ADHFE1: variants seen among roughly 807,000 people sequenced by gnomAD.
ADHFE1 encodes the protein alcohol dehydrogenase iron containing 1.
A neutral mutation model predicts 54.8 loss-of-function variants in ADHFE1; 37 were observed. The observed-to-expected ratio is 0.68, with a 90% CI of 0.52 to 0.89. ADHFE1 has a LOEUF of 0.89. ADHFE1 is among the 40% of genes least tolerant of loss of function. ADHFE1 has a pLI of 0.00. For missense variants in ADHFE1, 601 were observed against 591.2 expected (o/e 1.02, Z -0.17); for synonymous variants, 203 against 229.3 (o/e 0.89, Z 1.04).
chr8:66,468,366 T>C lies in ADHFE1; in HGVS notation c.*14T>C, dbSNP rs1473014834. The C allele has an allele frequency of 1.2e-6, 2 of 1,606,164 alleles. No individual in the cohort carries two copies. Among genetic ancestry groups the C allele is most frequent in the Non-Finnish European group, 1.7e-6 (2 of 1,174,960 alleles). On this transcript the variant is annotated 3_prime_UTR_variant, in exon 14 of 14. Coordinates refer to ENST00000396623, the MANE Select transcript of ADHFE1 (RefSeq NM_144650.3). ...AAACTGTATTAATTGTCATTTTAAC[T>C]GAAAGAATTACCGCTGGCCATTGTA...
chr8:66,446,607 A>G (rs1806039327), intron 6 of ADHFE1, among the ~76,000 whole-genome samples: 1 of 152,334 alleles, frequency 6.6e-6, no homozygotes, highest in Non-Finnish European at 1.5e-5. Flanking sequence ...CATTAAACAC[A>G]CATGTATGTT....
At chr8:66,443,151 A>C (rs1438590893) in intron 3 of ADHFE1, among the ~76,000 whole-genome samples, 1 of 152,202 alleles carries the variant, frequency 6.6e-6, no homozygotes, top group Non-Finnish European at 1.5e-5. Context: ...TAATTATAAC[A>C]ATCCCAAAAG....
At position 66,439,911 on chromosome 8, in the gene ADHFE1, T is replaced by C. The variant is rs1169680668; in HGVS notation, c.60-251T>C. 6.6e-6 allele frequency among the ~76,000 whole-genome samples: 1 copy of C among 152,182 alleles called. No individual in the cohort carries two copies. The highest frequency in any genetic ancestry group is 1.9e-4 in the East Asian group (1 of 5,188). On this transcript the variant is annotated intron_variant, in intron 1 of 13. Coordinates refer to ENST00000396623, the MANE Select transcript of ADHFE1 (RefSeq NM_144650.3). The surrounding 1 kb of genome is among the most constrained non-coding windows in gnomAD (Gnocchi z 4.4). Reference sequence around the variant, plus strand: ...ATCTCAGCTGCCCGCAGGCATTTGATAGGAATTGCTAGAGTAAATGAATTC... The same window carrying C: ...ATCTCAGCTGCCCGCAGGCATTTGACAGGAATTGCTAGAGTAAATGAATTC...
At position 66,460,880 on chromosome 8, in the gene ADHFE1, C is replaced by A. The variant is rs540070094; in HGVS notation, c.1320+415C>A. ...ATTGTAAAAGAGTTCCAGGTCTCTA[C>A]TATTTTGTGAAGAATAGGCATAGCC... On this transcript the variant is annotated intron_variant, in intron 13 of 13. Transcript: ENST00000396623. 2.0e-5 allele frequency among the ~76,000 whole-genome samples: 3 copies of A among 152,232 alleles called. No individual in the cohort carries two copies. The South Asian group carries it at 6.2e-4, about 32-fold the overall frequency.
chr8:66,448,661 A>G (rs1015715954), intron 7 of ADHFE1, among the ~76,000 whole-genome samples: 15 of 152,236 alleles, frequency 9.9e-5, no homozygotes, highest in Admixed American at 3.3e-4. Flanking sequence ...CTTGGAAACC[A>G]GTAGGAGCCA....
rs1030567732 is a variant in ADHFE1, at chr8:66,444,540, A to G, written c.199-54A>G. Reference sequence around the variant, plus strand: ...AAATGTACAACGTGAGTTTGCCAGAAGAGTCTATTGCAGTTCTAGTGGAGT... The same window carrying G: ...AAATGTACAACGTGAGTTTGCCAGAGGAGTCTATTGCAGTTCTAGTGGAGT... On this transcript the variant is annotated intron_variant, in intron 4 of 13. Coordinates refer to ENST00000396623, the MANE Select transcript of ADHFE1 (RefSeq NM_144650.3). The G allele has an allele frequency of 1.3e-5, 21 of 1,609,120 alleles. No homozygotes were observed. The African/African-American group carries it at 2.4e-4, about 18-fold the overall frequency.
At chr8:66,442,869 C>A (rs769551436) in intron 3 of ADHFE1, 25 bp downstream of exon 3, 5 of 1,525,148 alleles carry the variant, frequency 3.3e-6, no homozygotes, top group Non-Finnish European at 3.5e-6. Flanking sequence ...TCCATTATTT[C>A]TTTTATGAAT....
At chr8:66,440,687 C>A (rs1805702600) in intron 2 of ADHFE1, among the ~76,000 whole-genome samples, 1 of 152,108 alleles carries the variant, frequency 6.6e-6, no homozygotes, top group African/African-American at 2.4e-5. Context: ...TAATAACAAA[C>A]CTTCAGTTAC....
At chr8:66,457,001 T>C in intron 11 of ADHFE1, 69 bp from the exon 12 acceptor site, 4 of 1,543,170 alleles carry the variant, frequency 2.6e-6, no homozygotes, top group Non-Finnish European at 3.5e-6. Flanking sequence ...TAAAGTAACT[T>C]AACATCTAGA....
rs141345263 is a variant in ADHFE1, at chr8:66,433,437, A to C, written c.59+862A>C. On this transcript the variant is annotated intron_variant, in intron 1 of 13. Transcript: ENST00000396623. ...ATATAGCTAATACGATGAGCCCGGC[A>C]GTGTCTTACACACTTTGAATGGACT... Among the ~76,000 whole-genome samples, 56 of 152,356 alleles carry C rather than the reference A, an allele frequency of 3.7e-4. No homozygotes were observed. In the East Asian group the frequency reaches 8.9e-3, roughly 24 times the overall value.
intron 2 of ADHFE1, 120 bp downstream of exon 2, chr8:66,440,319 A>C: frequency 1.1e-6 from 1 of 896,924 alleles, no homozygotes; most frequent in East Asian, 2.4e-5. Flanking sequence ...CCATGAAAAC[A>C]GTTACCATTT....
intron 13 of ADHFE1, among the ~76,000 whole-genome samples, chr8:66,461,336 G>T (rs1806887859): frequency 6.6e-6 from 1 of 152,116 alleles, no homozygotes; most frequent in African/African-American, 2.4e-5. Flanking sequence ...ACAGGCTAAG[G>T]CATTCCCTGA....
intron 13 of ADHFE1, among the ~76,000 whole-genome samples, chr8:66,467,369 T>C (rs1238623398): frequency 6.6e-6 from 1 of 152,130 alleles, no homozygotes; most frequent in African/African-American, 2.4e-5. Context: ...ATCTTGTATA[T>C]GTGAACTTTG....
intron 12 of ADHFE1, chr8:66,459,430 A>ATATATATATATATTTT (rs1191407388): frequency 7.9e-6 from 1 of 126,808 alleles, no homozygotes; most frequent in African/African-American, 3.0e-5. Context: ...ATATATATAT[A>ATATATATATATATTTT]TTTTTTTTTT....
chr8:66,466,329 G>A (rs2357893), intron 13 of ADHFE1, among the ~76,000 whole-genome samples: 84,620 of 149,358 alleles, frequency 0.57, 24,838 homozygotes, highest in African/African-American at 0.72. Flanking sequence ...CAAGTGATCC[G>A]CCTGCCTCAG....
At chr8:66,449,433 C>A (rs1806190553) in intron 8 of ADHFE1, among the ~76,000 whole-genome samples, 1 of 152,236 alleles carries the variant, frequency 6.6e-6, no homozygotes. Context: ...CTAACACCTC[C>A]AGAGCACCCC....
chr8:66,440,238 T>C (rs1374281958), intron 2 of ADHFE1, 39 bp downstream of exon 2: 15 of 1,594,144 alleles, frequency 9.4e-6, no homozygotes, highest in African/African-American at 8.1e-5. Context: ...ACAATTTTGG[T>C]TTCTGCATTT....
At chr8:66,457,217 A>C (rs1586477734) in intron 12 of ADHFE1, 51 bp downstream of exon 12, 1 of 1,552,680 alleles carries the variant, frequency 6.4e-7, no homozygotes, top group Non-Finnish European at 8.8e-7. Flanking sequence ...GGTGGCTCCC[A>C]TCTGTAATCC....
chr8:66,447,753 T>C (rs559954689), intron 7 of ADHFE1, among the ~76,000 whole-genome samples: 20 of 152,342 alleles, frequency 1.3e-4, no homozygotes, highest in African/African-American at 4.6e-4. Flanking sequence ...TATGAAACAA[T>C]GTAATAAACT....
Sources: gnomAD v4.1 joint callset for allele counts (sites outside exome capture counted in the v4.1 genomes callset) on GRCh38, gnomAD v4.1.1 for gene constraint, Gnocchi (gnomAD v3.1) non-coding constraint, MANE v1.5 for transcripts, NCBI Gene and HGNC (gene_info 2026-07-23, HGNC 2026-07-21) for gene names.